Variants in SCMH1 observed in about 807,000 individuals in gnomAD.
SCMH1 encodes the protein Scm polycomb group protein homolog 1, also known as polycomb protein SCMH1.
SCMH1 carries 37 observed loss-of-function variants against 70.8 expected under a neutral mutation model. The ratio of observed to expected loss-of-function variants is 0.52; its 90% confidence interval spans 0.40 to 0.69. SCMH1 has a LOEUF of 0.69. Among genes scored for constraint, SCMH1 ranks in the 30% least tolerant of loss-of-function variants. The pLI, the probability that SCMH1 is intolerant of heterozygous loss-of-function variation, is 0.00. For synonymous variants in SCMH1, 292 were observed against 307.4 expected (o/e 0.95, Z 0.52); for missense variants, 607 against 827.3 (o/e 0.73, Z 3.27).
At chr1:41,168,628 T>A (rs1646568991) in intron 2 of SCMH1, among the ~76,000 whole-genome samples, 1 of 143,864 alleles carries the variant, frequency 7.0e-6, no homozygotes, top group South Asian at 2.2e-4. Flanking sequence ...TTGTGGAGAT[T>A]TGTCTTTTTT....
chr1:41,095,216 A>G (rs564220695), intron 8 of SCMH1, among the ~76,000 whole-genome samples: 1 of 152,336 alleles, frequency 6.6e-6, no homozygotes, highest in Non-Finnish European at 1.5e-5. Flanking sequence ...AATGTAACCC[A>G]TACTCTAGCA....
At chr1:41,242,300 C>T (rs1418876921), upstream of SCMH1, 1 of 144,772 alleles carries the variant, frequency 6.9e-6, no homozygotes, top group Non-Finnish European at 1.5e-5. The surrounding 1 kb of genome is among the most constrained non-coding windows in gnomAD (Gnocchi z 5.2). Flanking sequence ...GGCCGTTGGG[C>T]TCGCGCGGGG....
At position 41,113,583 on chromosome 1, in the gene SCMH1, T is replaced by G. The variant is rs369336462; in HGVS notation, c.502-57A>C. 33 of 1,547,618 alleles carry G rather than the reference T, an allele frequency of 2.1e-5. No homozygotes were observed. In the African/African-American group the frequency reaches 2.3e-4, roughly 11 times the overall value. On this transcript the variant is annotated intron_variant, in intron 7 of 14. Transcript: ENST00000337495. The surrounding 1 kb of genome is among the most constrained non-coding windows in gnomAD (Gnocchi z 4.3). ...ACACAAAGAGAGGCCATTATGCCAATAGACTACTATCTAATTTGGATGATT... is the reference window on the plus strand; with the variant it reads ...ACACAAAGAGAGGCCATTATGCCAAGAGACTACTATCTAATTTGGATGATT...
intron 6 of SCMH1, among the ~76,000 whole-genome samples, chr1:41,117,639 A>T (rs2147910623): frequency 6.6e-6 from 1 of 152,286 alleles, no homozygotes; most frequent in African/African-American, 2.4e-5. Flanking sequence ...TCATGTTCCT[A>T]GTTCGCCTTC....
At chr1:41,158,053 TGA>T (rs1645701149) in intron 4 of SCMH1, among the ~76,000 whole-genome samples, 2 of 152,146 alleles carry the variant, frequency 1.3e-5, no homozygotes, top group African/African-American at 2.4e-5. Context: ...AACTACACTT[TGA>T]GAGAGAGCAA....
chr1:41,240,504 C>A (rs533422028), intron 1 of SCMH1, among the ~76,000 whole-genome samples: 1 of 151,710 alleles, frequency 6.6e-6, no homozygotes, highest in Admixed American at 6.6e-5. Context: ...CCCTCTGCAA[C>A]CAAATATTAA....
At chr1:41,054,582 G>C (rs1571551586) in intron 10 of SCMH1, among the ~76,000 whole-genome samples, 1 of 152,162 alleles carries the variant, frequency 6.6e-6, no homozygotes, top group Non-Finnish European at 1.5e-5. Context: ...GGCCTAAAAG[G>C]TTCTCTAAGA....
intron 2 of SCMH1, among the ~76,000 whole-genome samples, chr1:41,173,360 G>T (rs1159542571): frequency 6.6e-6 from 1 of 152,064 alleles, no homozygotes; most frequent in Admixed American, 6.6e-5. Flanking sequence ...ACAGGTATAT[G>T]AAAAATGCTC....
At chr1:41,230,736 C>G (rs1661143781) in intron 1 of SCMH1, among the ~76,000 whole-genome samples, 1 of 151,966 alleles carries the variant, frequency 6.6e-6, no homozygotes, top group Non-Finnish European at 1.5e-5. Flanking sequence ...GGGCTGTTCA[C>G]TGAAACTGGC....
chr1:41,221,922 A>AG (rs1659381634), intron 1 of SCMH1, among the ~76,000 whole-genome samples: 1 of 130,536 alleles, frequency 7.7e-6, no homozygotes, highest in African/African-American at 2.9e-5. Flanking sequence ...AAAAAAAAAA[A>AG]GCTAGGAAAC....
chr1:41,134,214 C>T (rs142444664), intron 6 of SCMH1, among the ~76,000 whole-genome samples: 8,807 of 152,162 alleles, frequency 0.058, 398 homozygotes, highest in Middle Eastern at 0.21. Flanking sequence ...GCAGAAAAGG[C>T]CTTTGACAAA....
rs1312458129 is a variant in SCMH1 at position 41,213,873 on chromosome 1, T to C, written c.-117-27623A>G. ...GAGGAAAAGACATTTTCCTCCCCTA[T>C]AATTGCTTACATTTTTTTTTAAAAA... On this transcript the variant is annotated intron_variant, in intron 1 of 14. Transcript: ENST00000337495. Among the ~76,000 whole-genome samples, 5 of 150,230 alleles carry C rather than the reference T, an allele frequency of 3.3e-5. No individual in the cohort carries two copies. In the East Asian group the frequency reaches 7.8e-4, roughly 23 times the overall value.
chr1:41,229,070 C>T (rs1042622605), intron 1 of SCMH1, among the ~76,000 whole-genome samples: 4 of 152,144 alleles, frequency 2.6e-5, no homozygotes, highest in Non-Finnish European at 5.9e-5. Context: ...ATGGCACATG[C>T]CTGTAATCCC....
At position 41,046,384 on chromosome 1, in the gene SCMH1, C is replaced by T. The variant is rs1407889415; in HGVS notation, c.1498+23G>A. On this transcript the variant is annotated intron_variant, in intron 12 of 14. Transcript: ENST00000337495. ...GCTAGCCCTGTCCCCCACTCTCAGCCCAGGCCCCATCCCAGCTCCTACCTG... is the reference window on the plus strand; with the variant it reads ...GCTAGCCCTGTCCCCCACTCTCAGCTCAGGCCCCATCCCAGCTCCTACCTG... 6 of 1,609,928 alleles carry T rather than the reference C, an allele frequency of 3.7e-6. No individual in the cohort carries two copies. In the Admixed American group the frequency reaches 1.0e-4, roughly 27 times the overall value.
intron 2 of SCMH1, among the ~76,000 whole-genome samples, chr1:41,169,230 T>A (rs1196179057): frequency 6.6e-6 from 1 of 152,142 alleles, no homozygotes; most frequent in African/African-American, 2.4e-5. Flanking sequence ...CGAAACTCCT[T>A]CCAGGAAGAA....
rs540398045 is a variant in SCMH1 at position 41,129,566 on chromosome 1, A to ATC, written c.413-12558_413-12557dup. Among the ~76,000 whole-genome samples, 408 of 152,164 alleles carry ATC rather than the reference A, an allele frequency of 2.7e-3. 1 individual carries two copies. The highest frequency in any genetic ancestry group is 9.5e-3 in the African/African-American group (394 of 41,528). On this transcript the variant is annotated intron_variant, in intron 6 of 14. Coordinates refer to ENST00000337495, the Ensembl canonical transcript of SCMH1. ...TAAGGCTGAATAATATTCCCATTGCATCTCTCTCTCTTCCCCAGCCCCGCT... is the reference window on the plus strand; with the variant it reads ...TAAGGCTGAATAATATTCCCATTGCATCTCTCTCTCTCTTCCCCAGCCCCGCT...
At chr1:41,111,151 T>C (rs1669152170) in intron 8 of SCMH1, among the ~76,000 whole-genome samples, 2 of 152,224 alleles carry the variant, frequency 1.3e-5, no homozygotes, top group Admixed American at 6.5e-5. Context: ...TATTGAGTTA[T>C]AGGTGTTCTT....
chr1:41,095,239 A>C (rs1664764522), intron 8 of SCMH1, among the ~76,000 whole-genome samples: 1 of 152,216 alleles, frequency 6.6e-6, no homozygotes, highest in African/African-American at 2.4e-5. Context: ...TGATTCTAGA[A>C]TTCTGCTTCA....
At chr1:41,178,743 T>G (rs1360918597) in intron 2 of SCMH1, among the ~76,000 whole-genome samples, 1 of 152,130 alleles carries the variant, frequency 6.6e-6, no homozygotes, top group African/African-American at 2.4e-5. Flanking sequence ...AGCAAGTCCT[T>G]AGAGACCTAC....
Sources: gnomAD v4.1 joint callset for allele counts (sites outside exome capture counted in the v4.1 genomes callset) on GRCh38, gnomAD v4.1.1 for gene constraint, Gnocchi (gnomAD v3.1) non-coding constraint, MANE v1.5 for transcripts, NCBI Gene and HGNC (gene_info 2026-07-23, HGNC 2026-07-21) for gene names.